MED12L: variants seen among roughly 807,000 people sequenced by gnomAD.
MED12L encodes the protein mediator complex subunit 12L.
Under a neutral mutation model 281.3 loss-of-function variants are expected in MED12L, and 60 were observed. That is an observed-to-expected ratio of 0.21 (90% CI 0.17 to 0.26). MED12L has a LOEUF of 0.26. MED12L is among the 10% of genes least tolerant of loss of function. MED12L has a pLI of 1.00. For missense variants in MED12L, 2,146 were observed against 2,680.9 expected, an observed-to-expected ratio of 0.80 and a Z score of 4.41; for synonymous variants, 974 against 987.2, an observed-to-expected ratio of 0.99 and a Z score of 0.25.
chr3:151,323,857 A>G (rs924406349), intron 16 of MED12L, among the ~76,000 whole-genome samples: 1 of 152,208 alleles, frequency 6.6e-6, no homozygotes, highest in African/African-American at 2.4e-5. Context: ...CTGAGCTCTC[A>G]AGTGCTGGAG....
chr3:151,432,950 A>C lies in MED12L; in HGVS notation c.*146A>C. 1.6e-6 allele frequency: 1 copy of C among 631,270 alleles called. No individual in the cohort carries two copies. Among genetic ancestry groups the C allele is most frequent in the East Asian group, 3.0e-5 (1 of 33,820 alleles). 39.1% of individuals were successfully genotyped at this position (631,270 alleles called of 1,614,324 possible). On this transcript the variant is annotated 3_prime_UTR_variant, in exon 45 of 45. Transcript: ENST00000687756. Reference sequence around the variant, plus strand: ...TTTATGCTACATCTCACAAAAAAAAAAAAAGGTGTTTAAACAAAAAGCCAA... The same window carrying C: ...TTTATGCTACATCTCACAAAAAAAACAAAAGGTGTTTAAACAAAAAGCCAA...
chr3:151,257,419 CTTAG>C (rs1738027303), intron 16 of MED12L, among the ~76,000 whole-genome samples: 1 of 152,194 alleles, frequency 6.6e-6, no homozygotes, highest in African/African-American at 2.4e-5. Flanking sequence ...AATAGATTGC[CTTAG>C]TTAGAATACC....
At chr3:151,215,062 T>C (rs746152612) in intron 16 of MED12L, among the ~76,000 whole-genome samples, 1 of 152,070 alleles carries the variant, frequency 6.6e-6, no homozygotes, top group Non-Finnish European at 1.5e-5. Context: ...TACATTCAAA[T>C]GTTAACCGGT....
chr3:151,332,592 A>G (rs1200445195), intron 16 of MED12L, among the ~76,000 whole-genome samples: 1 of 152,222 alleles, frequency 6.6e-6, no homozygotes, highest in Non-Finnish European at 1.5e-5. Context: ...ATTTCACACT[A>G]TGTTTAAAAA....
chr3:151,337,644 G>A (rs1172224604), intron 16 of MED12L: 5 of 660,840 alleles, frequency 7.6e-6, no homozygotes, highest in Non-Finnish European at 1.3e-5. Flanking sequence ...TATATTTTAA[G>A]ATAGCTTTTC....
chr3:151,261,682 G>C (rs1163628353), intron 16 of MED12L, among the ~76,000 whole-genome samples: 1 of 120,864 alleles, frequency 8.3e-6, no homozygotes, highest in Non-Finnish European at 1.7e-5. Flanking sequence ...CCAGTGGTAC[G>C]TGGTGTTTTG....
At chr3:151,311,796 G>A (rs563798771) in intron 16 of MED12L, among the ~76,000 whole-genome samples, 20 of 152,298 alleles carry the variant, frequency 1.3e-4, no homozygotes, top group African/African-American at 4.1e-4. Context: ...GGAGGCTGAG[G>A]TGGGCAGACC....
In MED12L at chr3:151,271,742, A is replaced by C. The variant is rs184425539; in HGVS notation, c.2250+78076A>C. ...TGAGCAAAACAAGTTAAATCTCAAA[A>C]CATGTTGAGCAAAACAAGTCAGACA... On this transcript the variant is annotated intron_variant, in intron 16 of 44. Transcript: ENST00000687756. 2.8e-3 allele frequency among the ~76,000 whole-genome samples: 424 copies of C among 152,270 alleles called. 5 individuals are homozygous for C. The highest frequency in any genetic ancestry group is 9.7e-3 in the African/African-American group (402 of 41,554).
At chr3:151,398,921 A>G (rs956625164) in intron 39 of MED12L, among the ~76,000 whole-genome samples, 7 of 152,234 alleles carry the variant, frequency 4.6e-5, no homozygotes, top group African/African-American at 1.4e-4. Flanking sequence ...ATTATACTGT[A>G]ACAAACATGT....
At chr3:151,329,608 TA>T in intron 16 of MED12L, 1 of 1,007,486 alleles carries the variant, frequency 9.9e-7, no homozygotes. Context: ...TTTACTTATG[TA>T]ATGTGACCCA....
At chr3:151,202,928 G>C (rs1427207323) in intron 16 of MED12L, among the ~76,000 whole-genome samples, 1 of 152,160 alleles carries the variant, frequency 6.6e-6, no homozygotes, top group African/African-American at 2.4e-5. Context: ...GGGTTCATCA[G>C]ATATAAGAAA....
intron 5 of MED12L, among the ~76,000 whole-genome samples, chr3:151,144,326 TTGGAGACCTG>T (rs1717470720): frequency 6.6e-6 from 1 of 152,076 alleles, no homozygotes. Flanking sequence ...AAAATGAGAA[TTGGAGACCTG>T]TGAGTGAAAG....
At chr3:151,094,682 C>T (rs772525000) in intron 2 of MED12L, among the ~76,000 whole-genome samples, 2 of 152,100 alleles carry the variant, frequency 1.3e-5, no homozygotes, top group Non-Finnish European at 2.9e-5. Flanking sequence ...AATATATATA[C>T]ACAATCTAGA....
rs568727715 is a variant in MED12L at position 151,262,414 on chromosome 3, G to A, written c.2250+68748G>A. ...TCTCCAGACATTAATGCTGGGCCCT[G>A]TGGTGAATGTAAACATGGTACCTAT... On this transcript the variant is annotated intron_variant, in intron 16 of 44. Coordinates refer to ENST00000687756, the MANE Select transcript of MED12L (RefSeq NM_001393769.1). Among the ~76,000 whole-genome samples, 13 of 152,316 alleles carry A rather than the reference G, an allele frequency of 8.5e-5. No individual in the cohort carries two copies. In the South Asian group the frequency reaches 2.5e-3, roughly 29 times the overall value.
intron 16 of MED12L, among the ~76,000 whole-genome samples, chr3:151,323,099 G>T (rs1191151945): frequency 6.6e-6 from 1 of 152,138 alleles, no homozygotes; most frequent in Non-Finnish European, 1.5e-5. Context: ...AGGCATTATG[G>T]ATCCCATTGC....
chr3:151,140,047 A>ATCT (rs1296708501), intron 5 of MED12L, among the ~76,000 whole-genome samples: 2 of 152,220 alleles, frequency 1.3e-5, no homozygotes, highest in Non-Finnish European at 2.9e-5. Flanking sequence ...AAGGAATGCC[A>ATCT]TCTTACCCAG....
At chr3:151,249,647 A>G (rs181375141) in intron 16 of MED12L, among the ~76,000 whole-genome samples, 24 of 152,272 alleles carry the variant, frequency 1.6e-4, no homozygotes, top group East Asian at 9.6e-4. Context: ...TTATCCTGAC[A>G]CATTTCCAGC....
At chr3:151,295,276 C>G (rs207463885) in intron 16 of MED12L, 4 of 983,608 alleles carry the variant, frequency 4.1e-6, no homozygotes, top group Non-Finnish European at 6.1e-6. Flanking sequence ...CTACTAGGTT[C>G]CCTTACAGAC....
At chr3:151,215,032 G>T (rs1205569965) in intron 16 of MED12L, among the ~76,000 whole-genome samples, 2 of 151,916 alleles carry the variant, frequency 1.3e-5, no homozygotes, top group Non-Finnish European at 2.9e-5. Flanking sequence ...TGGACATGAA[G>T]ACAGTGTCTA....
Sources: allele counts gnomAD v4.1 joint callset (sites outside exome capture counted in the v4.1 genomes callset), GRCh38; gene constraint gnomAD v4.1.1; transcripts MANE v1.5; gene names NCBI Gene and HGNC (gene_info 2026-07-23, HGNC 2026-07-21).